Variants in CABIN1 observed in about 807,000 individuals in gnomAD.
The protein encoded by CABIN1 is calcineurin-binding protein cabin-1.
A neutral mutation model predicts 227.7 loss-of-function variants in CABIN1; 133 were observed. The observed-to-expected ratio is 0.58, with a 90% CI of 0.51 to 0.67. The LOEUF (loss-of-function observed/expected upper bound fraction) is 0.67. CABIN1 is among the 30% of genes least tolerant of loss of function. The pLI, the probability that CABIN1 is intolerant of heterozygous loss-of-function variation, is 0.00. For synonymous variants in CABIN1, 1,086 were observed against 1,155.1 expected (o/e 0.94, Z 1.21); for missense variants, 2,408 against 2,852.5 (o/e 0.84, Z 3.55).
Position 24,104,360 on chromosome 22 carries a change from T to G in CABIN1, c.4117+6168T>G, listed in dbSNP as rs541263765. On this transcript the variant is annotated intron_variant, in intron 26 of 36. Coordinates refer to ENST00000263119, the MANE Select transcript of CABIN1 (RefSeq NM_012295.4). Reference sequence around the variant, plus strand: ...TGTTTAAAGCCTCCCGAGGCCTCCCTGGTCAGTGCCTTTCCTGGCTCAGAG... The same window carrying G: ...TGTTTAAAGCCTCCCGAGGCCTCCCGGGTCAGTGCCTTTCCTGGCTCAGAG... Among the ~76,000 whole-genome samples the G allele has an allele frequency of 3.3e-5, 5 of 152,218 alleles. No homozygotes were observed. The South Asian group carries it at 1.0e-3, about 31-fold the overall frequency.
chr22:24,058,460 T>C lies in CABIN1; in HGVS notation c.1263-767T>C, dbSNP rs533657071. The stretch of plus-strand genomic sequence containing the variant: ...GTGTTTATGCTGCAGGGGTTCTGGG[T>C]TGAGGGAACACCACAAGGTTGGCTG... On this transcript the variant is annotated intron_variant, in intron 10 of 36. Coordinates refer to ENST00000263119, the MANE Select transcript of CABIN1 (RefSeq NM_012295.4). 1.1e-4 allele frequency among the ~76,000 whole-genome samples: 17 copies of C among 152,164 alleles called. No homozygotes were observed. In the South Asian group the frequency reaches 3.5e-3, roughly 32 times the overall value.
At position 24,049,158 on chromosome 22, in the gene CABIN1, G is replaced by C; in HGVS notation, c.594G>C (p.Lys198Asn). The C allele has an allele frequency of 6.2e-7, 1 of 1,614,090 alleles. No homozygotes were observed. The highest frequency in any genetic ancestry group is 1.1e-5 in the South Asian group (1 of 91,074). ...DCRYSKGLVLKEKIFEEQPCL... is the reference protein window; with the variant it reads ...DCRYSKGLVLNEKIFEEQPCL... ...GGTACAGCAAAGGGCTGGTCCTCAA[G>C]GAGAAGATTTTTGAGGAGCAGCCTT... The change falls in exon 7 of 37, where the codon AAG (lysine) becomes AAC (asparagine). Residue 198 changes from lysine (K) to asparagine (N), a missense_variant. By Grantham distance (94) the Lys-to-Asn change is moderately conservative. This residue lies in a region of CABIN1 where 1,045 missense variants were observed against 1,168.4 expected (regional missense o/e 0.89). Coordinates refer to ENST00000263119, the MANE Select transcript of CABIN1 (RefSeq NM_012295.4).
Position 24,046,546 on chromosome 22 carries a change from C to T in CABIN1, c.527-2545C>T, listed in dbSNP as rs146074574. On this transcript the variant is annotated intron_variant, in intron 6 of 36. Coordinates refer to ENST00000263119, the MANE Select transcript of CABIN1 (RefSeq NM_012295.4). ...CTCAACTGACTTCTTTAGTTCTTTG[C>T]ACCCCTCTCTCATTGTAGAAGAAGT... Among the ~76,000 whole-genome samples, 524 of 152,268 alleles carry T rather than the reference C, an allele frequency of 3.4e-3. 3 individuals are homozygous for T. Among genetic ancestry groups the T allele is most frequent in the Non-Finnish European group, 5.8e-3 (396 of 68,024 alleles).
At chr22:24,138,049 A>G (rs1195729159) in intron 29 of CABIN1, among the ~76,000 whole-genome samples, 1 of 152,100 alleles carries the variant, frequency 6.6e-6, no homozygotes, top group Non-Finnish European at 1.5e-5. Flanking sequence ...CTCTCAACCC[A>G]CTGTCCTGGG....
intron 27 of CABIN1, among the ~76,000 whole-genome samples, chr22:24,116,217 G>T (rs1049291783): frequency 2.0e-5 from 3 of 152,176 alleles, no homozygotes. Flanking sequence ...TATGAAGGTC[G>T]CAAGAGTAGA....
intron 29 of CABIN1, 49 bp from the exon 30 acceptor site, chr22:24,164,351 C>G (rs935535669): frequency 1.2e-5 from 19 of 1,596,580 alleles, no homozygotes; most frequent in Non-Finnish European, 1.6e-5. Flanking sequence ...GTCCCCGAGG[C>G]TCCTGCCACA....
chr22:24,165,760 G>A, intron 31 of CABIN1, 134 bp downstream of exon 31: 1 of 720,016 alleles, frequency 1.4e-6, no homozygotes, highest in Non-Finnish European at 2.4e-6. Context: ...CTGTGAGGTA[G>A]CACCCATCCT....
rs145495810 is a variant in CABIN1 at position 24,063,236 on chromosome 22, A to ATGTG, written c.1884+109_1884+112dup. 0.011 allele frequency: 11,936 copies of ATGTG among 1,109,550 alleles called. 119 individuals are homozygous for ATGTG. In the East Asian group the frequency reaches 0.16, roughly 14 times the overall value. The allele number at this position is 1,109,550 out of a possible 1,614,324, so 68.7% of individuals were successfully genotyped here. ...GACCATGTTGAGGGTGTGTGTGTGT[A>ATGTG]TGTGTGTGTGTGTGTGTGTGTGCAT... is the stretch of plus-strand genomic sequence containing the variant. On this transcript the variant is annotated intron_variant, in intron 14 of 36. Coordinates refer to ENST00000263119, the MANE Select transcript of CABIN1 (RefSeq NM_012295.4).
chr22:24,117,545 T>TTG (rs796186482), intron 27 of CABIN1, among the ~76,000 whole-genome samples: 5 of 142,362 alleles, frequency 3.5e-5, no homozygotes, highest in African/African-American at 1.0e-4. Flanking sequence ...TTTGTTTTTT[T>TTG]GGGGGGGGGG....
At chr22:24,155,830 C>T (rs2045753556) in intron 29 of CABIN1, 1 of 427,594 alleles carries the variant, frequency 2.3e-6, no homozygotes, top group South Asian at 4.5e-5. Context: ...GCAGTGAGAG[C>T]TGCACCCACT....
At chr22:24,120,670 A>G (rs1039090374) in intron 28 of CABIN1, among the ~76,000 whole-genome samples, 1 of 152,178 alleles carries the variant, frequency 6.6e-6, no homozygotes, top group Non-Finnish European at 1.5e-5. Context: ...AAAGTTAGCC[A>G]GGCATGCTGG....
chr22:24,177,595 C>G lies in CABIN1; in HGVS notation c.6297C>G (p.Ala2099=). 2 of 1,608,898 alleles carry G rather than the reference C, an allele frequency of 1.2e-6. No homozygotes were observed. Among genetic ancestry groups the G allele is most frequent in the Non-Finnish European group, 1.7e-6 (2 of 1,176,614 alleles). Residue 2099 remains alanine, a synonymous_variant, in exon 36 of 37, where the codon GCC becomes GCG. Coordinates refer to ENST00000263119, the MANE Select transcript of CABIN1 (RefSeq NM_012295.4). This position sits in a 1 kb window ranked among gnomAD's most constrained non-coding sequence, Gnocchi z 4.4. ...CCCTGAGCTCTCCCCCAACAGCTGC[C>G]AGCTCCAAGGCCCCCAGCAGTGGGA... The part of the protein sequence containing the change: ...TQPLSSPPTA[A]SSKAPSSGSA...
intron 8 of CABIN1, among the ~76,000 whole-genome samples, chr22:24,051,370 C>T (rs544800315): frequency 1.2e-4 from 18 of 152,098 alleles, no homozygotes; most frequent in East Asian, 9.7e-4. Context: ...TGGGCTTCTC[C>T]GCTCTCAAGT....
intron 28 of CABIN1, among the ~76,000 whole-genome samples, chr22:24,127,888 A>G (rs988743553): frequency 6.6e-6 from 1 of 152,140 alleles, no homozygotes; most frequent in African/African-American, 2.4e-5. Context: ...ATAACGTAGA[A>G]CAGAGTTCCC....
At chr22:24,039,724 A>G (rs561845181) in intron 4 of CABIN1, among the ~76,000 whole-genome samples, 5 of 152,356 alleles carry the variant, frequency 3.3e-5, no homozygotes, top group African/African-American at 4.8e-5. Context: ...CTTTCTGTGC[A>G]CAGTGTATCA....
chr22:24,065,254 C>A (rs1328086737), intron 15 of CABIN1, among the ~76,000 whole-genome samples: 6 of 149,716 alleles, frequency 4.0e-5, no homozygotes, highest in African/African-American at 1.5e-4. Context: ...TCAGACGGGG[C>A]GGCTGCCAGG....
intron 27 of CABIN1, among the ~76,000 whole-genome samples, chr22:24,115,430 C>T (rs1326663970): frequency 6.6e-6 from 1 of 152,232 alleles, no homozygotes; most frequent in Non-Finnish European, 1.5e-5. Context: ...GACCAAAGGT[C>T]ACCACAATAG....
At position 24,063,070 on chromosome 22, in the gene CABIN1, G is replaced by A. The variant is rs375396399; in HGVS notation, c.1808G>A (p.Arg603His). Residue 603 changes from arginine to histidine, a missense_variant, in exon 14 of 37, where the codon CGC becomes CAC. Arg to His is a conservative substitution (Grantham distance 29). Coordinates refer to ENST00000263119, the MANE Select transcript of CABIN1 (RefSeq NM_012295.4). ...LLQLSFASSQ[R>H]DLFEDGWLEF... is the part of the protein sequence containing the mutation. The stretch of plus-strand genomic sequence containing the variant: ...CAGCTGTCATTTGCCTCGTCCCAGC[G>A]CGACCTGTTCGAGGATGGTTGGCTG... The A allele has an allele frequency of 2.8e-5, 46 of 1,614,084 alleles. No homozygotes were observed. The highest frequency in any genetic ancestry group is 8.3e-5 in the Admixed American group (5 of 60,006).
chr22:24,136,298 A>ATAGT (rs2148235164), intron 29 of CABIN1, among the ~76,000 whole-genome samples: 1 of 151,350 alleles, frequency 6.6e-6, no homozygotes, highest in African/African-American at 2.4e-5. Flanking sequence ...TAGCTACTGC[A>ATAGT]TAGTAGTCCC....
Sources: gnomAD v4.1 joint callset for allele counts (sites outside exome capture counted in the v4.1 genomes callset) on GRCh38, gnomAD v4.1.1 for gene constraint, gnomAD v4.1.1 regional missense constraint, Gnocchi (gnomAD v3.1) non-coding constraint, MANE v1.5 for transcripts, NCBI Gene and HGNC (gene_info 2026-07-23, HGNC 2026-07-21) for gene names.